Variants in ARMC3 observed in about 807,000 individuals in gnomAD.
ARMC3 encodes armadillo repeat containing 3.
A neutral mutation model predicts 90.3 loss-of-function variants in ARMC3; 74 were observed. The ratio of observed to expected loss-of-function variants is 0.82; its 90% CI spans 0.68 to 0.99. The LOEUF (loss-of-function observed/expected upper bound fraction) is 0.99, where lower values mean the gene tolerates loss of function less well. Among genes scored for constraint, ARMC3 ranks in the 50% least tolerant of loss-of-function variants. The pLI is 0.00. For synonymous variants in ARMC3, 334 were observed against 361.8 expected (o/e 0.92, Z 0.87); for missense variants, 958 against 1,042.8 (o/e 0.92, Z 1.12).
intron 17 of ARMC3, among the ~76,000 whole-genome samples, chr10:23,032,405 A>G (rs1838952824): frequency 6.6e-6 from 1 of 152,178 alleles, no homozygotes; most frequent in South Asian, 2.1e-4. Context: ...ATGTTCTTAA[A>G]TCTAATGGGA....
intron 8 of ARMC3, among the ~76,000 whole-genome samples, chr10:22,975,424 G>T (rs534032072): frequency 6.6e-6 from 1 of 152,114 alleles, no homozygotes; most frequent in Non-Finnish European, 1.5e-5. Flanking sequence ...AATTAGCCAG[G>T]TGTAGTGATA....
intron 18 of ARMC3, among the ~76,000 whole-genome samples, chr10:23,036,977 A>C (rs1415210003): frequency 6.6e-6 from 1 of 152,240 alleles, no homozygotes; most frequent in East Asian, 1.9e-4. Flanking sequence ...AAGAGTGCAC[A>C]GAATAGCTTT....
intron 18 of ARMC3, among the ~76,000 whole-genome samples, chr10:23,034,988 A>G (rs559026781): frequency 1.3e-5 from 2 of 152,282 alleles, no homozygotes; most frequent in East Asian, 1.9e-4. Flanking sequence ...GTATTTGTCA[A>G]GTTGAGCTGC....
intron 2 of ARMC3, among the ~76,000 whole-genome samples, chr10:22,933,028 C>T (rs1448608404): frequency 6.6e-6 from 1 of 152,216 alleles, no homozygotes; most frequent in Non-Finnish European, 1.5e-5. Flanking sequence ...AAAATAAGAT[C>T]TATTATCATG....
At chr10:22,938,253 G>T (rs1183182597) in intron 2 of ARMC3, among the ~76,000 whole-genome samples, 2 of 152,108 alleles carry the variant, frequency 1.3e-5, no homozygotes, top group African/African-American at 2.4e-5. Flanking sequence ...TTTGAGGAAT[G>T]CCAGGAAGGT....
chr10:22,963,887 TCACACACA>T (rs1218675914), intron 7 of ARMC3, among the ~76,000 whole-genome samples: 113 of 33,836 alleles, frequency 3.3e-3, no homozygotes, highest in Admixed American at 4.7e-3. Flanking sequence ...AGACTCTGTC[TCACACACA>T]CACACACACA....
chr10:23,012,915 A>C (rs1838087976), intron 16 of ARMC3, among the ~76,000 whole-genome samples: 1 of 139,996 alleles, frequency 7.1e-6, no homozygotes, highest in Admixed American at 7.2e-5. Context: ...TTTGAGACAG[A>C]GTCTCACTCT....
At chr10:22,939,246 A>G (rs935802905) in intron 2 of ARMC3, among the ~76,000 whole-genome samples, 1 of 152,210 alleles carries the variant, frequency 6.6e-6, no homozygotes, top group Non-Finnish European at 1.5e-5. Flanking sequence ...TTTGCAGGGT[A>G]GAGTACCAAA....
chr10:22,968,467 C>T lies in ARMC3; in HGVS notation c.894C>T (p.Ala298=). ...ATATTCAGAAGAATGCAGCAAAAGC[C>T]ATTACTAAAGCAGCTTATGATCGTA... ...IPDIQKNAAK[A]ITKAAYDPEN... The change falls in exon 8 of 19, where the codon GCC becomes GCT. Residue 298 remains alanine (A), a synonymous_variant. Coordinates refer to ENST00000298032, the MANE Select transcript of ARMC3 (RefSeq NM_173081.5). 6.3e-7 allele frequency: 1 copy of T among 1,597,632 alleles called. No individual in the cohort carries two copies. The highest frequency in any genetic ancestry group is 8.5e-7 in the Non-Finnish European group (1 of 1,175,082).
chr10:22,947,360 G>A (rs1468284288), intron 3 of ARMC3, among the ~76,000 whole-genome samples: 2 of 151,346 alleles, frequency 1.3e-5, no homozygotes, highest in Non-Finnish European at 2.9e-5. Context: ...CACCAACTGT[G>A]ATAAGTCCTA....
At chr10:22,998,630 CTG>C (rs1460657621) in intron 11 of ARMC3, among the ~76,000 whole-genome samples, 1 of 152,228 alleles carries the variant, frequency 6.6e-6, no homozygotes, top group African/African-American at 2.4e-5. Flanking sequence ...CTAAGAGAAT[CTG>C]TTGCCTCTGT....
chr10:22,995,846 G>A (rs1164449404), intron 10 of ARMC3, among the ~76,000 whole-genome samples: 1 of 152,154 alleles, frequency 6.6e-6, no homozygotes, highest in African/African-American at 2.4e-5. Flanking sequence ...CAAAGTATTT[G>A]AGAATTTATT....
intron 1 of ARMC3, among the ~76,000 whole-genome samples, chr10:22,930,732 T>A (rs1405467051): frequency 6.6e-6 from 1 of 152,198 alleles, no homozygotes; most frequent in East Asian, 1.9e-4. Context: ...CTGTAGATTC[T>A]CCCCAAGGAT....
At chr10:22,931,767 G>T (rs1359568439) in intron 1 of ARMC3, among the ~76,000 whole-genome samples, 1 of 152,166 alleles carries the variant, frequency 6.6e-6, no homozygotes, top group Non-Finnish European at 1.5e-5. Flanking sequence ...TAAACTGAAA[G>T]CCAGGACTAA....
At chr10:22,954,729 C>T (rs945233072) in intron 3 of ARMC3, among the ~76,000 whole-genome samples, 1 of 150,794 alleles carries the variant, frequency 6.6e-6, no homozygotes, top group African/African-American at 2.4e-5. Context: ...TTCCCATAAA[C>T]ACCCCTCCTC....
intron 8 of ARMC3, among the ~76,000 whole-genome samples, chr10:22,970,928 C>A (rs1197440952): frequency 1.3e-5 from 2 of 152,178 alleles, no homozygotes; most frequent in Non-Finnish European, 2.9e-5. Flanking sequence ...CCGTCTTCAT[C>A]ATTTTTAAGT....
chr10:22,962,132 G>A (rs542350454), intron 7 of ARMC3, 54 bp downstream of exon 7: 2 of 1,289,178 alleles, frequency 1.6e-6, no homozygotes, highest in Non-Finnish European at 2.1e-6. Flanking sequence ...TCTCCCAAAT[G>A]TTTAAAAATG....
intron 16 of ARMC3, among the ~76,000 whole-genome samples, chr10:23,025,255 G>A (rs1263438151): frequency 6.6e-6 from 1 of 151,826 alleles, no homozygotes; most frequent in Non-Finnish European, 1.5e-5. Flanking sequence ...CAACCAACAA[G>A]ATCTCATTGA....
intron 1 of ARMC3, among the ~76,000 whole-genome samples, chr10:22,931,127 C>T (rs1203439070): frequency 6.6e-6 from 1 of 152,166 alleles, no homozygotes; most frequent in East Asian, 1.9e-4. Context: ...CAGGATTTCA[C>T]TGTGTTGGCC....
Sources: gnomAD v4.1 joint callset for allele counts (sites outside exome capture counted in the v4.1 genomes callset) on GRCh38, gnomAD v4.1.1 for gene constraint, MANE v1.5 for transcripts, NCBI Gene and HGNC (gene_info 2026-07-23, HGNC 2026-07-21) for gene names.